Variants in ST3GAL3 observed in about 807,000 individuals in gnomAD.
The protein encoded by ST3GAL3 is ST3 beta-galactoside alpha-2,3-sialyltransferase 3.
In ST3GAL3, 21 loss-of-function variants were observed where a neutral mutation model predicts 50.1. The ratio of observed to expected loss-of-function variants is 0.42; its 90% CI spans 0.30 to 0.60. The LOEUF (loss-of-function observed/expected upper bound fraction) is 0.60. ST3GAL3 is among the 20% of genes least tolerant of loss of function. The pLI, the probability that ST3GAL3 is intolerant of heterozygous loss-of-function variation, is 0.19. For synonymous variants in ST3GAL3, 183 were observed against 190.0 expected (o/e 0.96, Z 0.30); for missense variants, 353 against 489.4 (o/e 0.72, Z 2.63).
chr1:43,916,424 T>G (rs1157533157), intron 9 of ST3GAL3, among the ~76,000 whole-genome samples: 1 of 152,044 alleles, frequency 6.6e-6, no homozygotes, highest in Non-Finnish European at 1.5e-5. Context: ...TGGAAAGGTG[T>G]AGGAGAATCT....
At chr1:43,794,142 G>GA (rs2058423277) in intron 3 of ST3GAL3, among the ~76,000 whole-genome samples, 1 of 150,214 alleles carries the variant, frequency 6.7e-6, no homozygotes, top group African/African-American at 2.4e-5. Flanking sequence ...AATCCAGAGT[G>GA]AAAAAAATAT....
intron 5 of ST3GAL3, chr1:43,879,236 G>A (rs137926663): frequency 2.2e-5 from 10 of 455,534 alleles, no homozygotes; most frequent in African/African-American, 4.0e-5. Context: ...CAGAAGGCCA[G>A]TATGCTGTAA....
chr1:43,898,554 C>A, intron 7 of ST3GAL3: 1 of 558,514 alleles, frequency 1.8e-6, no homozygotes, highest in South Asian at 1.9e-5. Context: ...ACTGAACACA[C>A]TGGGGCTGGG....
intron 1 of ST3GAL3, among the ~76,000 whole-genome samples, chr1:43,713,448 T>C (rs1168006572): frequency 1.3e-5 from 2 of 152,050 alleles, no homozygotes; most frequent in East Asian, 1.9e-4. Flanking sequence ...TTCTAATCTT[T>C]AGTATATTAC....
chr1:43,906,568 TTCC>T (rs1454857496), intron 9 of ST3GAL3, among the ~76,000 whole-genome samples: 1 of 118,258 alleles, frequency 8.5e-6, no homozygotes, highest in African/African-American at 3.3e-5. Flanking sequence ...CCCGCCACTC[TTCC>T]TCCTCCTCCT....
At chr1:43,736,826 C>G in intron 2 of ST3GAL3, 3 of 269,878 alleles carry the variant, frequency 1.1e-5, no homozygotes, top group Non-Finnish European at 2.2e-5. Flanking sequence ...TTTGTTTTCC[C>G]TAAAGAAACG....
rs899983773 is a variant in ST3GAL3 at position 43,737,791 on chromosome 1, A to G, written c.118+1411A>G. 6.6e-6 allele frequency: 1 copy of G among 152,250 alleles called. No individual in the cohort carries two copies. The highest frequency in any genetic ancestry group is 1.5e-5 in the Non-Finnish European group (1 of 68,038). The allele number at this position is 152,250 out of a possible 1,614,324, so 9.4% of individuals were successfully genotyped here. A position where few individuals can be genotyped will look rare whatever the true frequency, so the allele number is the denominator to read the frequency against. Reference sequence around the variant, plus strand: ...TAAGGGCTGCTGACCTGTAGAAGATATAACCAAGGATCAGATAAGATTTTC... The same window carrying G: ...TAAGGGCTGCTGACCTGTAGAAGATGTAACCAAGGATCAGATAAGATTTTC... On this transcript the variant is annotated intron_variant, in intron 2 of 11. Coordinates refer to ENST00000347631, the MANE Select transcript of ST3GAL3 (RefSeq NM_006279.5). The surrounding 1 kb of genome is among the most constrained non-coding windows in gnomAD (Gnocchi z 4.0).
intron 2 of ST3GAL3, among the ~76,000 whole-genome samples, chr1:43,742,339 A>G (rs558055392): frequency 2.0e-5 from 3 of 152,328 alleles, no homozygotes; most frequent in South Asian, 4.1e-4. Flanking sequence ...GCCAACCCCC[A>G]GCAAGACAGA....
rs1557497474 is a variant in ST3GAL3 at position 43,911,642 on chromosome 1, T to TAGATATCTATAC, written c.745-8756_745-8755insCTATACAGATAT. Reference sequence around the variant, plus strand: ...ATATATCTATAGATATCTATATCTATAGATATATCTGTAGCTATAGATATC... The same window carrying TAGATATCTATAC: ...ATATATCTATAGATATCTATATCTATAGATATCTATACAGATATATCTGTAGCTATAGATATC... On this transcript the variant is annotated intron_variant, in intron 9 of 11. Transcript: ENST00000347631. 5.0e-4 allele frequency among the ~76,000 whole-genome samples: 75 copies of TAGATATCTATAC among 150,618 alleles called. 2 individuals are homozygous for TAGATATCTATAC. Among genetic ancestry groups the TAGATATCTATAC allele is most frequent in the African/African-American group, 1.8e-3 (72 of 40,418 alleles).
In ST3GAL3 at chr1:43,875,444, A is replaced by G. The variant is rs557362817; in HGVS notation, c.303-18939A>G. On this transcript the variant is annotated intron_variant, in intron 5 of 11. Coordinates refer to ENST00000347631, the MANE Select transcript of ST3GAL3 (RefSeq NM_006279.5). ...CCTGCCTTGGAGTTTACCACTTTCT[A>G]TGTTTGGAAGTGATATTGTTTGGCT... 7.7e-4 allele frequency among the ~76,000 whole-genome samples: 117 copies of G among 152,078 alleles called. No individual in the cohort carries two copies. In the South Asian group the frequency reaches 0.011, roughly 14 times the overall value.
intron 3 of ST3GAL3, among the ~76,000 whole-genome samples, chr1:43,793,945 C>T (rs980799606): frequency 2.0e-5 from 3 of 151,792 alleles, no homozygotes; most frequent in African/African-American, 7.3e-5. Context: ...ATAGTAAGGG[C>T]ACGGTGGCGT....
intron 4 of ST3GAL3, among the ~76,000 whole-genome samples, chr1:43,834,724 C>T (rs974305142): frequency 1.3e-5 from 2 of 152,192 alleles, no homozygotes; most frequent in African/African-American, 4.8e-5. Flanking sequence ...TGAACCCGAG[C>T]CAGGCGCTTA....
intron 3 of ST3GAL3, among the ~76,000 whole-genome samples, chr1:43,799,153 T>C (rs2059039419): frequency 6.6e-6 from 1 of 152,186 alleles, no homozygotes; most frequent in Admixed American, 6.5e-5. Context: ...TCTGGGAAAA[T>C]AGTCACCAAA....
rs1023633491 is a variant in ST3GAL3 at position 43,825,010 on chromosome 1, A to G, written c.209+10077A>G. 9 of 701,004 alleles carry G rather than the reference A, an allele frequency of 1.3e-5. No individual in the cohort carries two copies. The African/African-American group carries it at 1.4e-4, about 11-fold the overall frequency. 43.4% of individuals were successfully genotyped at this position (701,004 alleles called of 1,614,324 possible). On this transcript the variant is annotated intron_variant, in intron 4 of 11. Coordinates refer to ENST00000347631, the MANE Select transcript of ST3GAL3 (RefSeq NM_006279.5). ...ATACCAAGAATAAATCTGCCTGTACATAGGAGTATGTCTATGTGTGATGAT... is the reference window on the plus strand; with the variant it reads ...ATACCAAGAATAAATCTGCCTGTACGTAGGAGTATGTCTATGTGTGATGAT...
intron 9 of ST3GAL3, 193 bp from the exon 10 acceptor site, chr1:43,920,211 C>T: frequency 1.5e-6 from 1 of 662,012 alleles, no homozygotes; most frequent in Non-Finnish European, 2.7e-6. Context: ...CTCTCTTCAC[C>T]ATCATTCCCC....
intron 9 of ST3GAL3, among the ~76,000 whole-genome samples, chr1:43,907,418 TTAG>T (rs1421442175): frequency 6.6e-6 from 1 of 152,144 alleles, no homozygotes; most frequent in Non-Finnish European, 1.5e-5. Flanking sequence ...TGGTGTCACC[TTAG>T]TAGCATCTCA....
At chr1:43,754,963 T>G (rs1400296898) in intron 2 of ST3GAL3, among the ~76,000 whole-genome samples, 1 of 151,928 alleles carries the variant, frequency 6.6e-6, no homozygotes, top group Non-Finnish European at 1.5e-5. Context: ...CTTTGTGAAT[T>G]AGGTATCTAA....
At chr1:43,763,032 C>G (rs984142899) in intron 2 of ST3GAL3, among the ~76,000 whole-genome samples, 2 of 152,190 alleles carry the variant, frequency 1.3e-5, no homozygotes, top group East Asian at 1.9e-4. Context: ...AGGAATTCCC[C>G]TACTGGGATT....
chr1:43,810,881 CCCGATGGCCTCCCTCTA>C, intron 3 of ST3GAL3, among the ~76,000 whole-genome samples: 1 of 152,114 alleles, frequency 6.6e-6, no homozygotes, highest in African/African-American at 2.4e-5. Context: ...TAGAGGGAGG[CCCGATGGCCTCCCTCTA>C]TTCCAGTCAC....
Sources: allele counts gnomAD v4.1 joint callset (sites outside exome capture counted in the v4.1 genomes callset), GRCh38; gene constraint gnomAD v4.1.1; non-coding constraint Gnocchi (gnomAD v3.1); transcripts MANE v1.5; gene names NCBI Gene and HGNC (gene_info 2026-07-23, HGNC 2026-07-21).